The following RSRC1 variants were observed in gnomAD, a reference collection of about 807,000 sequenced individuals.
RSRC1 encodes serine/Arginine-related protein 53.
In RSRC1, 39 loss-of-function variants were observed where a neutral mutation model predicts 49.1. The ratio of observed to expected loss-of-function variants is 0.79; its 90% CI spans 0.61 to 1.04. The LOEUF (loss-of-function observed/expected upper bound fraction) is 1.04, where lower values mean the gene tolerates loss of function less well. RSRC1 is among the 50% of genes least tolerant of loss of function. RSRC1 has a pLI of 0.00. For missense variants in RSRC1, 388 were observed against 402.4 expected, an observed-to-expected ratio of 0.96 and a Z score of 0.31; for synonymous variants, 143 against 130.8, an observed-to-expected ratio of 1.09 and a Z score of -0.63.
At chr3:158,485,952 G>T (rs1165396458) in intron 7 of RSRC1, among the ~76,000 whole-genome samples, 4 of 151,990 alleles carry the variant, frequency 2.6e-5, no homozygotes, top group Non-Finnish European at 5.9e-5. Flanking sequence ...ATTTAGTTCG[G>T]CATGATTTTT....
intron 7 of RSRC1, among the ~76,000 whole-genome samples, chr3:158,535,550 A>G (rs2108504154): frequency 6.6e-6 from 1 of 151,444 alleles, no homozygotes; most frequent in Admixed American, 6.6e-5. Flanking sequence ...ATTGTTGTCT[A>G]TAAATATTAT....
At chr3:158,440,819 G>T (rs1374003175) in intron 6 of RSRC1, among the ~76,000 whole-genome samples, 1 of 151,994 alleles carries the variant, frequency 6.6e-6, no homozygotes, top group Non-Finnish European at 1.5e-5. Context: ...GGCGCTGCCT[G>T]TAATCCCAGC....
intron 4 of RSRC1, 49 bp downstream of exon 4, chr3:158,203,294 G>T: frequency 1.3e-6 from 2 of 1,508,844 alleles, no homozygotes; most frequent in South Asian, 1.3e-5. Context: ...ATTCCATGGC[G>T]ATGTTCAAAC....
intron 4 of RSRC1, among the ~76,000 whole-genome samples, chr3:158,260,105 A>C (rs1216080367): frequency 6.7e-6 from 1 of 149,984 alleles, no homozygotes; most frequent in Non-Finnish European, 1.5e-5. Flanking sequence ...GCTGCAAGAC[A>C]AAGTCCTCTT....
chr3:158,147,927 T>A (rs1276012170), intron 3 of RSRC1, among the ~76,000 whole-genome samples: 2 of 152,194 alleles, frequency 1.3e-5, no homozygotes, highest in South Asian at 2.1e-4. Context: ...CTAATATTTT[T>A]AAAAATGCAA....
intron 6 of RSRC1, among the ~76,000 whole-genome samples, chr3:158,418,654 A>C (rs1249115667): frequency 1.3e-5 from 2 of 151,960 alleles, no homozygotes; most frequent in Non-Finnish European, 1.5e-5. Context: ...ATATACCGGA[A>C]TTTTTCTCAA....
At chr3:158,407,935 C>A (rs1361188628) in intron 6 of RSRC1, among the ~76,000 whole-genome samples, 2 of 152,096 alleles carry the variant, frequency 1.3e-5, no homozygotes, top group African/African-American at 4.8e-5. Context: ...TGAAAAGAAC[C>A]CAGACAGACA....
At chr3:158,497,781 C>T (rs1739415419) in intron 7 of RSRC1, among the ~76,000 whole-genome samples, 1 of 152,164 alleles carries the variant, frequency 6.6e-6, no homozygotes, top group South Asian at 2.1e-4. Flanking sequence ...TTAGCTCCCA[C>T]ATATCAGTGA....
At position 158,336,040 on chromosome 3, in the gene RSRC1, C is replaced by T. The variant is rs369390548; in HGVS notation, c.532-18817C>T. Among the ~76,000 whole-genome samples the T allele has an allele frequency of 3.2e-4, 49 of 152,330 alleles. No individual in the cohort carries two copies. The East Asian group carries it at 7.1e-3, about 22-fold the overall frequency. On this transcript the variant is annotated intron_variant, in intron 5 of 9. Transcript: ENST00000611884. ...AATTCCAGAGGAGGACTCATTTAATCCGCAACTGTAAGCTCTACTGCCCAA... is the reference window on the plus strand; with the variant it reads ...AATTCCAGAGGAGGACTCATTTAATTCGCAACTGTAAGCTCTACTGCCCAA...
intron 6 of RSRC1, among the ~76,000 whole-genome samples, chr3:158,373,779 G>C (rs1732209031): frequency 6.6e-6 from 1 of 151,940 alleles, no homozygotes; most frequent in Non-Finnish European, 1.5e-5. Flanking sequence ...GGTATTAGAA[G>C]CTTTTGGTTT....
At chr3:158,533,357 G>C (rs1264481114) in intron 7 of RSRC1, among the ~76,000 whole-genome samples, 1 of 151,734 alleles carries the variant, frequency 6.6e-6, no homozygotes, top group Non-Finnish European at 1.5e-5. Context: ...TGTTAGTTCT[G>C]AAGTGATCTT....
At chr3:158,346,099 C>G (rs570128271) in intron 5 of RSRC1, among the ~76,000 whole-genome samples, 2 of 152,060 alleles carry the variant, frequency 1.3e-5, no homozygotes, top group Non-Finnish European at 2.9e-5. Flanking sequence ...ATCTTTGTGA[C>G]TTCAGATTAG....
intron 5 of RSRC1, among the ~76,000 whole-genome samples, chr3:158,301,118 A>T (rs939697322): frequency 6.6e-6 from 1 of 152,134 alleles, no homozygotes; most frequent in Non-Finnish European, 1.5e-5. Context: ...AATGTTGCCA[A>T]GTGATCCTGA....
chr3:158,424,864 C>T (rs1186653292), intron 6 of RSRC1, among the ~76,000 whole-genome samples: 1 of 152,038 alleles, frequency 6.6e-6, no homozygotes, highest in East Asian at 1.9e-4. Context: ...AGTTTATTTG[C>T]GTAGACGTGT....
chr3:158,437,170 TC>T (rs11334625), intron 6 of RSRC1, among the ~76,000 whole-genome samples: 8,763 of 151,880 alleles, frequency 0.058, 827 homozygotes, highest in African/African-American at 0.2. Flanking sequence ...CCTACCAAAT[TC>T]CCGGGGTAGT....
intron 5 of RSRC1, among the ~76,000 whole-genome samples, chr3:158,301,251 C>T (rs1473442270): frequency 1.3e-5 from 2 of 151,962 alleles, no homozygotes; most frequent in Non-Finnish European, 2.9e-5. Context: ...TTTTAAAGTT[C>T]TAGACTCAGA....
At chr3:158,302,667 C>CTTTTTTTTTTTTTTTTTTTTTTT (rs58057548) in intron 5 of RSRC1, 1 of 98,110 alleles carries the variant, frequency 1.0e-5, no homozygotes, top group Non-Finnish European at 1.8e-5. Flanking sequence ...TTTTTTCTTC[C>CTTTTTTTTTTTTTTTTTTTTTTT]TTTTTTTTTT....
chr3:158,203,300 C>G, intron 4 of RSRC1, 55 bp downstream of exon 4: 1 of 1,499,842 alleles, frequency 6.7e-7, no homozygotes, highest in Non-Finnish European at 9.0e-7. Context: ...TGGCGATGTT[C>G]AAACTAAATT....
chr3:158,355,745 T>A (rs896590039), intron 6 of RSRC1, among the ~76,000 whole-genome samples: 6 of 152,034 alleles, frequency 3.9e-5, no homozygotes, highest in Admixed American at 3.9e-4. Context: ...ATATAACTTA[T>A]TCAAACAATA....
Sources: allele counts gnomAD v4.1 joint callset (sites outside exome capture counted in the v4.1 genomes callset), GRCh38; gene constraint gnomAD v4.1.1; transcripts MANE v1.5; gene names NCBI Gene and HGNC (gene_info 2026-07-23, HGNC 2026-07-21).